The following DIO1 variants were observed in gnomAD, a reference collection of about 807,000 sequenced individuals.
DIO1 encodes the protein type I iodothyronine deiodinase.
In DIO1, 17 loss-of-function variants were observed where a neutral mutation model predicts 25.9. The observed-to-expected ratio is 0.66, with a 90% confidence interval of 0.45 to 0.98. DIO1 has a LOEUF of 0.98. Among genes scored for constraint, DIO1 ranks in the 50% least tolerant of loss-of-function variants. The pLI is 0.00. For missense variants in DIO1, 270 were observed against 310.4 expected, an observed-to-expected ratio of 0.87 and a Z score of 0.98; for synonymous variants, 115 against 114.0, an observed-to-expected ratio of 1.01 and a Z score of -0.05.
chr1:53,896,378 C>T (rs1569692729), intron 1 of DIO1, among the ~76,000 whole-genome samples: 1 of 151,914 alleles, frequency 6.6e-6, no homozygotes, highest in Non-Finnish European at 1.5e-5. Context: ...CCACAATGCT[C>T]GGCTAATTTT....
rs114083642 is a variant in DIO1, at chr1:53,894,706, G to C, written c.337+159G>C. Among the ~76,000 whole-genome samples, 454 of 152,256 alleles carry C rather than the reference G, an allele frequency of 3.0e-3. 2 individuals carry two copies. The highest frequency in any genetic ancestry group is 0.01 in the African/African-American group (427 of 41,534). Reference sequence around the variant, plus strand: ...CTTCCTGAAACTAGAACTTCTTGTGGATTGTTTCTCTAAGTAACATCACCA... The same window carrying C: ...CTTCCTGAAACTAGAACTTCTTGTGCATTGTTTCTCTAAGTAACATCACCA... On this transcript the variant is annotated intron_variant, in intron 1 of 3. Transcript: ENST00000361921. This position sits in a 1 kb window ranked among gnomAD's most constrained non-coding sequence, Gnocchi z 4.9.
At chr1:53,902,295 A>G (rs1249564173) in intron 1 of DIO1, among the ~76,000 whole-genome samples, 1 of 151,632 alleles carries the variant, frequency 6.6e-6, no homozygotes, top group East Asian at 1.9e-4. Context: ...CTCTCGTAAC[A>G]CTGATCACAA....
rs1290549840 is a variant in DIO1, at chr1:53,894,562, A to G, written c.337+15A>G. The G allele has an allele frequency of 1.2e-6, 2 of 1,604,010 alleles. No individual in the cohort carries two copies. Among genetic ancestry groups the G allele is most frequent in the Non-Finnish European group, 8.5e-7 (1 of 1,174,638 alleles). On this transcript the variant is annotated intron_variant, in intron 1 of 3. Coordinates refer to ENST00000361921, the MANE Select transcript of DIO1 (RefSeq NM_000792.7). The surrounding 1 kb of genome is among the most constrained non-coding windows in gnomAD (Gnocchi z 4.9). ...GTTTATGCAAGGTCAGGAGGCTGCC[A>G]CACACTTGAGGGGTGCTTGAAATAG...
chr1:53,902,013 T>C (rs1003825653), intron 1 of DIO1, among the ~76,000 whole-genome samples: 4 of 149,408 alleles, frequency 2.7e-5, no homozygotes, highest in African/African-American at 1.0e-4. Context: ...CAAAGGCTTA[T>C]GGGAGCCTGC....
chr1:53,898,299 G>A (rs1651180974), intron 1 of DIO1, among the ~76,000 whole-genome samples: 1 of 152,168 alleles, frequency 6.6e-6, no homozygotes, highest in Admixed American at 6.5e-5. Flanking sequence ...CCAGAGGCAG[G>A]AAGGGGTGAA....
rs776536362 is a variant in DIO1 at position 53,904,790 on chromosome 1, T to C, written c.462T>C (p.Ile154=). ...TAGCAGATTTTCTTGTCATTTACAT[T>C]GAAGAAGCACATGCATCAGGTACAG... ...SSIADFLVIY[I]EEAHASDGWA... Residue 154 remains isoleucine (I), a synonymous_variant, in exon 2 of 4, where the codon ATT becomes ATC. Transcript: ENST00000361921. 1.2e-6 allele frequency: 2 copies of C among 1,612,530 alleles called. No individual in the cohort carries two copies. Among genetic ancestry groups the C allele is most frequent in the African/African-American group, 1.3e-5 (1 of 75,018 alleles).
intron 1 of DIO1, among the ~76,000 whole-genome samples, chr1:53,901,914 T>A (rs544205573): frequency 1.1e-4 from 16 of 146,826 alleles, no homozygotes; most frequent in East Asian, 4.0e-4. Flanking sequence ...AAAAAAAAAA[T>A]GAAAAAGAAA....
intron 3 of DIO1, among the ~76,000 whole-genome samples, chr1:53,909,187 G>A (rs941418741): frequency 4.6e-5 from 7 of 151,910 alleles, no homozygotes; most frequent in South Asian, 2.1e-4. Context: ...AGGCCAAGGC[G>A]GGCAGGTCAC....
At chr1:53,905,530 C>G (rs1001905845) in intron 2 of DIO1, among the ~76,000 whole-genome samples, 3 of 152,168 alleles carry the variant, frequency 2.0e-5, no homozygotes, top group South Asian at 4.1e-4. Flanking sequence ...AAAAATAGTA[C>G]TTAAACTCAG....
intron 1 of DIO1, among the ~76,000 whole-genome samples, chr1:53,901,964 T>C (rs138680173): frequency 5.9e-5 from 9 of 152,276 alleles, no homozygotes; most frequent in African/African-American, 2.2e-4. Context: ...TATATTCCTA[T>C]GATAGCCCAC....
At chr1:53,907,836 G>A (rs376851022) in intron 3 of DIO1, among the ~76,000 whole-genome samples, 141 of 149,966 alleles carry the variant, frequency 9.4e-4, no homozygotes, top group Middle Eastern at 3.5e-3. Flanking sequence ...GCTTGTACCC[G>A]GGAGGCAGAG....
intron 1 of DIO1, 104 bp from the exon 2 acceptor site, chr1:53,904,562 A>C: frequency 4.3e-6 from 6 of 1,393,672 alleles, no homozygotes; most frequent in Non-Finnish European, 5.9e-6. Flanking sequence ...GGTGGGGGGT[A>C]GGGGGAAATA....
chr1:53,904,688 T>C lies in DIO1; in HGVS notation c.360T>C (p.Asn120=), dbSNP rs1310532950. The C allele has an allele frequency of 1.9e-6, 3 of 1,613,694 alleles. No individual in the cohort carries two copies. Among genetic ancestry groups the C allele is most frequent in the Non-Finnish European group, 2.5e-6 (3 of 1,179,810 alleles). Residue 120 remains asparagine (N), a synonymous_variant, in exon 2 of 4, where the codon AAT becomes AAC. Coordinates refer to ENST00000361921, the MANE Select transcript of DIO1 (RefSeq NM_000792.7). ...CAGGTAATAGGCCACTGGTGCTGAA[T>C]TTTGGAAGTTGTACCTGACCTTCAT... The part of the protein sequence containing the change: ...FMQGNRPLVL[N]FGSCTUPSFM...
At chr1:53,901,338 A>T (rs1012515538) in intron 1 of DIO1, among the ~76,000 whole-genome samples, 1 of 152,170 alleles carries the variant, frequency 6.6e-6, no homozygotes, top group Non-Finnish European at 1.5e-5. Context: ...ACATATGTAC[A>T]TAAAGGAACA....
chr1:53,910,050 C>T lies in DIO1; in HGVS notation c.*51C>T, dbSNP rs773873483. ...TGACCAACGGGAGGGCTTCTCAAGGCTTAGCTCTCCCTGAGACCCAGCTGG... is the reference window on the plus strand; with the variant it reads ...TGACCAACGGGAGGGCTTCTCAAGGTTTAGCTCTCCCTGAGACCCAGCTGG... On this transcript the variant is annotated 3_prime_UTR_variant, in exon 4 of 4. Coordinates refer to ENST00000361921, the MANE Select transcript of DIO1 (RefSeq NM_000792.7). 2 of 1,516,744 alleles carry T rather than the reference C, an allele frequency of 1.3e-6. No homozygotes were observed. The highest frequency in any genetic ancestry group is 1.8e-6 in the Non-Finnish European group (2 of 1,091,372). 94.0% of individuals were successfully genotyped at this position (1,516,744 alleles called of 1,614,324 possible).
At chr1:53,903,147 T>C (rs1372966484) in intron 1 of DIO1, 2 of 151,866 alleles carry the variant, frequency 1.3e-5, no homozygotes, top group African/African-American at 4.9e-5. Flanking sequence ...GGGGGTCAGG[T>C]GTCACGTCCC....
At chr1:53,904,963 C>A (rs994994129) in intron 2 of DIO1, 154 bp downstream of exon 2, 2 of 762,062 alleles carry the variant, frequency 2.6e-6, no homozygotes, top group African/African-American at 1.8e-5. Context: ...ACTCCCAGGC[C>A]CTGCACTGGG....
At chr1:53,903,643 G>A (rs2100773121) in intron 1 of DIO1, among the ~76,000 whole-genome samples, 1 of 151,958 alleles carries the variant, frequency 6.6e-6, no homozygotes, top group Admixed American at 6.5e-5. Context: ...GAGGTCAGGA[G>A]TCTGAGACCA....
chr1:53,910,464 T>G lies in DIO1; in HGVS notation c.*465T>G, dbSNP rs1430788030. 1 of 162,576 alleles carries G rather than the reference T, an allele frequency of 6.2e-6. No individual in the cohort carries two copies. The highest frequency in any genetic ancestry group is 2.4e-5 in the African/African-American group (1 of 41,874). The allele number at this position is 162,576 out of a possible 1,614,324, so 10.1% of individuals were successfully genotyped here. ...ATTTGCATTTATGGAATTGATCATT[T>G]AAGACACTAAATTAGTTTTTAGAAC... On this transcript the variant is annotated 3_prime_UTR_variant, in exon 4 of 4. Transcript: ENST00000361921.
Sources: gnomAD v4.1 joint callset for allele counts (sites outside exome capture counted in the v4.1 genomes callset) on GRCh38, gnomAD v4.1.1 for gene constraint, Gnocchi (gnomAD v3.1) non-coding constraint, MANE v1.5 for transcripts, NCBI Gene and HGNC (gene_info 2026-07-23, HGNC 2026-07-21) for gene names.